Variants in MBOAT2 observed in about 807,000 individuals in gnomAD.
MBOAT2 encodes membrane-bound glycerophospholipid O-acyltransferase 2.
In MBOAT2, 28 loss-of-function variants were observed where a neutral mutation model predicts 63.4. The ratio of observed to expected loss-of-function variants is 0.44; its 90% confidence interval spans 0.33 to 0.61. The LOEUF (loss-of-function observed/expected upper bound fraction) is 0.61. Among genes scored for constraint, MBOAT2 ranks in the 20% least tolerant of loss-of-function variants. The pLI, the probability that MBOAT2 is intolerant of heterozygous loss-of-function variation, is 0.03. For missense variants in MBOAT2, 470 were observed against 605.8 expected, an observed-to-expected ratio of 0.78 and a Z score of 2.35; for synonymous variants, 211 against 215.6, an observed-to-expected ratio of 0.98 and a Z score of 0.19.
At chr2:9,002,309 T>C (rs1672750900) in intron 1 of MBOAT2, among the ~76,000 whole-genome samples, 2 of 152,184 alleles carry the variant, frequency 1.3e-5, no homozygotes, top group Admixed American at 6.5e-5. Context: ...TGTTTAACAC[T>C]CCTTCGACAT....
intron 6 of MBOAT2, among the ~76,000 whole-genome samples, chr2:8,881,023 T>C (rs1663087292): frequency 6.6e-6 from 1 of 152,126 alleles, no homozygotes; most frequent in Non-Finnish European, 1.5e-5. Flanking sequence ...AGAGGTGTCA[T>C]GAGCTTGTTC....
chr2:8,997,571 G>A (rs1672394589), intron 1 of MBOAT2, among the ~76,000 whole-genome samples: 1 of 152,104 alleles, frequency 6.6e-6, no homozygotes, highest in Non-Finnish European at 1.5e-5. Flanking sequence ...AGATGTTAAC[G>A]TCTCAAAATA....
intron 4 of MBOAT2, among the ~76,000 whole-genome samples, chr2:8,888,467 T>C (rs1428936527): frequency 6.6e-6 from 1 of 152,142 alleles, no homozygotes; most frequent in African/African-American, 2.4e-5. Flanking sequence ...CAACATATCA[T>C]GGACAGACTC....
chr2:8,860,534 C>T, intron 12 of MBOAT2, 79 bp downstream of exon 12: 1 of 1,413,034 alleles, frequency 7.1e-7, no homozygotes, highest in East Asian at 2.3e-5. Context: ...TACTGTTTTT[C>T]TATTCTATCC....
intron 3 of MBOAT2, among the ~76,000 whole-genome samples, chr2:8,915,613 T>TA (rs1666116598): frequency 6.6e-6 from 1 of 152,200 alleles, no homozygotes; most frequent in African/African-American, 2.4e-5. Flanking sequence ...TCTTTTAAAT[T>TA]AGACTGCAGG....
At position 8,882,535 on chromosome 2, in the gene MBOAT2, G is replaced by C; in HGVS notation, c.482C>G (p.Ser161Cys). ...GMFRKDEELT[S>C]SQRDLAVRRM... The stretch of plus-strand genomic sequence containing the variant: ...CCTTACAGCTAAATCCCTCTGTGAG[G>C]AAGTCAGTTCTTCATCCTTCCGAAA... Residue 161 changes from serine (S) to cysteine (C), a missense_variant, in exon 6 of 13, where the codon TCC becomes TGC. Physicochemically the swap from Ser to Cys is moderately radical, Grantham distance 112. Coordinates refer to ENST00000305997, the MANE Select transcript of MBOAT2 (RefSeq NM_138799.4). 2 of 1,614,234 alleles carry C rather than the reference G, an allele frequency of 1.2e-6. No individual in the cohort carries two copies. Among genetic ancestry groups the C allele is most frequent in the Non-Finnish European group, 1.7e-6 (2 of 1,180,032 alleles).
chr2:8,981,717 A>G (rs565320336), intron 1 of MBOAT2, among the ~76,000 whole-genome samples: 1 of 152,246 alleles, frequency 6.6e-6, no homozygotes, highest in African/African-American at 2.4e-5. Context: ...GGAGACAGAG[A>G]TGAAGAACAC....
rs1661087834 is a variant in MBOAT2, at chr2:8,856,384, T to G, written c.*2295A>C. The G allele has an allele frequency of 6.6e-6, 1 of 152,020 alleles. No individual in the cohort carries two copies. The highest frequency in any genetic ancestry group is 6.5e-5 in the Admixed American group (1 of 15,268). 9.4% of individuals were successfully genotyped at this position (152,020 alleles called of 1,614,324 possible). ...TTGTATTAAGCCTTCTTGTTTTCAC[T>G]TATGACATGCCTGAACCTGTCTTTT... On this transcript the variant is annotated 3_prime_UTR_variant, in exon 13 of 13. Coordinates refer to ENST00000305997, the MANE Select transcript of MBOAT2 (RefSeq NM_138799.4). The surrounding 1 kb of genome is among the most constrained non-coding windows in gnomAD (Gnocchi z 4.2).
intron 4 of MBOAT2, among the ~76,000 whole-genome samples, chr2:8,895,045 T>TTAA (rs1253712218): frequency 2.0e-5 from 3 of 152,152 alleles, no homozygotes; most frequent in African/African-American, 7.2e-5. Flanking sequence ...TCATGGTGAG[T>TTAA]GTTACCGCCT....
chr2:8,977,704 T>C (rs1056378905), intron 1 of MBOAT2, among the ~76,000 whole-genome samples: 5 of 152,120 alleles, frequency 3.3e-5, no homozygotes, highest in African/African-American at 1.2e-4. Context: ...TATTCGGCTG[T>C]CCATTAAACT....
intron 2 of MBOAT2, among the ~76,000 whole-genome samples, chr2:8,957,814 T>A (rs186682954): frequency 1.3e-5 from 2 of 152,270 alleles, no homozygotes; most frequent in East Asian, 3.9e-4. Context: ...TTTCTGCTGT[T>A]TTGCCAAGAC....
intron 4 of MBOAT2, among the ~76,000 whole-genome samples, chr2:8,890,261 A>G (rs376864022): frequency 1.3e-5 from 2 of 152,198 alleles, no homozygotes; most frequent in East Asian, 3.8e-4. Flanking sequence ...GGACAACTCT[A>G]TCTCAAGTAG....
chr2:8,918,998 T>A (rs781634174), intron 3 of MBOAT2, among the ~76,000 whole-genome samples: 4 of 152,188 alleles, frequency 2.6e-5, no homozygotes, highest in Non-Finnish European at 4.4e-5. Context: ...GTAAATAAAA[T>A]AAAACAATAT....
rs1184908572 is a variant in MBOAT2 at position 8,862,617 on chromosome 2, C to T, written c.1158G>A (p.Gly386=). The change falls in exon 11 of 13, where the codon GGG becomes GGA. Residue 386 remains glycine, a synonymous_variant. Coordinates refer to ENST00000305997, the MANE Select transcript of MBOAT2 (RefSeq NM_138799.4). This position sits in a 1 kb window ranked among gnomAD's most constrained non-coding sequence, Gnocchi z 4.3. ...CTCTTGCTGCTAATGTCATTAACACCCCTGTTAGAAACGTTAGATAATATC... is the reference window on the plus strand; with the variant it reads ...CTCTTGCTGCTAATGTCATTAACACTCCTGTTAGAAACGTTAGATAATATC... ...YPGYYLTFLT[G]VLMTLAARAM... The T allele has an allele frequency of 8.1e-6, 13 of 1,612,234 alleles. No individual in the cohort carries two copies. The highest frequency in any genetic ancestry group is 1.3e-5 in the African/African-American group (1 of 74,746).
At chr2:8,873,452 A>C in intron 7 of MBOAT2, 152 bp from the exon 8 acceptor site, 1 of 760,440 alleles carries the variant, frequency 1.3e-6, no homozygotes, top group Non-Finnish European at 2.0e-6. Flanking sequence ...TTGGCATTTA[A>C]AGTCTTCCAT....
intron 1 of MBOAT2, among the ~76,000 whole-genome samples, chr2:8,982,634 A>G (rs1449925183): frequency 6.6e-6 from 1 of 152,168 alleles, no homozygotes; most frequent in Non-Finnish European, 1.5e-5. Flanking sequence ...CTTCCAGTGG[A>G]TATCACTAAC....
intron 3 of MBOAT2, among the ~76,000 whole-genome samples, chr2:8,938,182 T>C (rs973347061): frequency 1.3e-5 from 2 of 152,198 alleles, no homozygotes; most frequent in Non-Finnish European, 1.5e-5. Flanking sequence ...AAAGAGAAAT[T>C]TGGCACTCTG....
chr2:8,901,641 T>C (rs1477621108), intron 4 of MBOAT2, among the ~76,000 whole-genome samples: 1 of 152,206 alleles, frequency 6.6e-6, no homozygotes, highest in Non-Finnish European at 1.5e-5. Context: ...AGGCACCCCG[T>C]ATCCTAGCTT....
chr2:8,984,339 T>C (rs947497975), intron 1 of MBOAT2, among the ~76,000 whole-genome samples: 10 of 152,294 alleles, frequency 6.6e-5, no homozygotes, highest in South Asian at 6.2e-4. Context: ...AATATACTTA[T>C]CACTACTGAG....
Sources: allele counts gnomAD v4.1 joint callset (sites outside exome capture counted in the v4.1 genomes callset), GRCh38; gene constraint gnomAD v4.1.1; non-coding constraint Gnocchi (gnomAD v3.1); transcripts MANE v1.5; gene names NCBI Gene and HGNC (gene_info 2026-07-23, HGNC 2026-07-21).